The following PTPRT variants were observed in gnomAD, a reference collection of about 807,000 sequenced individuals.
PTPRT encodes the protein protein tyrosine phosphatase receptor type T.
PTPRT carries 56 observed loss-of-function variants against 176.8 expected under a neutral mutation model. The observed-to-expected ratio is 0.32, with a 90% CI of 0.26 to 0.40. The LOEUF (loss-of-function observed/expected upper bound fraction) is 0.40, where lower values mean the gene tolerates loss of function less well. Ranked by LOEUF, PTPRT falls within the 10% of genes least tolerant of loss-of-function variation. PTPRT has a pLI of 1.00. For missense variants in PTPRT, 1,540 were observed against 1,908.2 expected (o/e 0.81, Z 3.60); for synonymous variants, 783 against 739.0 (o/e 1.06, Z -0.96).
intron 7 of PTPRT, among the ~76,000 whole-genome samples, chr20:42,531,927 T>G (rs1468620220): frequency 6.6e-6 from 1 of 152,176 alleles, no homozygotes; most frequent in African/African-American, 2.4e-5. Flanking sequence ...AGCCGTGCTA[T>G]TGTCTGTCTG....
intron 13 of PTPRT, among the ~76,000 whole-genome samples, chr20:42,268,206 T>C (rs1401866915): frequency 6.6e-6 from 1 of 152,178 alleles, no homozygotes; most frequent in Non-Finnish European, 1.5e-5. Flanking sequence ...TTGAAAGGGA[T>C]GGCACTCACA....
chr20:42,947,833 T>C (rs1355233699), intron 1 of PTPRT, among the ~76,000 whole-genome samples: 1 of 152,084 alleles, frequency 6.6e-6, no homozygotes, highest in Non-Finnish European at 1.5e-5. Context: ...CGAGTGTCTC[T>C]ACCTTGTCAC....
chr20:42,477,193 C>G (rs1008889413), intron 7 of PTPRT, among the ~76,000 whole-genome samples: 10 of 152,116 alleles, frequency 6.6e-5, no homozygotes, highest in African/African-American at 2.4e-4. Context: ...TTTGTCCCCC[C>G]TCTCAGGCTG....
At chr20:42,771,294 G>T (rs2077058596) in intron 5 of PTPRT, 141 bp downstream of exon 5, 3 of 739,598 alleles carry the variant, frequency 4.1e-6, no homozygotes, top group Middle Eastern at 3.6e-4. Context: ...GTAAGCAAGG[G>T]TGGGCTCCGG....
intron 1 of PTPRT, among the ~76,000 whole-genome samples, chr20:43,138,579 G>A (rs907104406): frequency 6.6e-6 from 1 of 152,222 alleles, no homozygotes; most frequent in Non-Finnish European, 1.5e-5. Context: ...CCATAAGTGA[G>A]TCACTGCCAC....
At chr20:42,043,941 C>T in the PTPRT span, among the ~76,000 whole-genome samples, 1 of 152,176 alleles carries the variant, frequency 6.6e-6, no homozygotes, top group Non-Finnish European at 1.5e-5. Flanking sequence ...CTCAGCATTG[C>T]TCTCGAGAGC....
chr20:42,411,171 A>T (rs755497949), intron 9 of PTPRT, among the ~76,000 whole-genome samples: 1 of 152,190 alleles, frequency 6.6e-6, no homozygotes, highest in Non-Finnish European at 1.5e-5. Context: ...AACGCCAGGC[A>T]TGGAGGCTCA....
At chr20:42,138,975 TTTC>T (rs1988501771) in intron 18 of PTPRT, among the ~76,000 whole-genome samples, 1 of 152,214 alleles carries the variant, frequency 6.6e-6, no homozygotes, top group Non-Finnish European at 1.5e-5. Flanking sequence ...CACAGCCAGT[TTTC>T]TTCTTGCGCC....
chr20:42,569,047 C>CA lies in PTPRT; in HGVS notation c.1154-96486dup, dbSNP rs869193461. On this transcript the variant is annotated intron_variant, in intron 7 of 30. Coordinates refer to ENST00000373187, the MANE Select transcript of PTPRT (RefSeq NM_007050.6). ...TGGGCGACAGAGCAAGACTCCATCT[C>CA]AAAAAAAAAAAAAAAAAAAAAAAAA... Among the ~76,000 whole-genome samples, 15 of 20,448 alleles carry CA rather than the reference C, an allele frequency of 7.3e-4. 2 individuals are homozygous for CA. Among genetic ancestry groups the CA allele is most frequent in the South Asian group, 6.5e-3 (1 of 154 alleles). 13.4% of individuals were successfully genotyped at this position (20,448 alleles called of 152,430 possible).
chr20:42,204,907 T>A (rs554976238), intron 15 of PTPRT, among the ~76,000 whole-genome samples: 1 of 151,622 alleles, frequency 6.6e-6, no homozygotes, highest in Admixed American at 6.6e-5. Flanking sequence ...ATGCATCTGA[T>A]GGTTGGGTCT....
chr20:42,849,550 T>C (rs1397848), intron 2 of PTPRT, among the ~76,000 whole-genome samples: 12 of 152,246 alleles, frequency 7.9e-5, no homozygotes, highest in South Asian at 4.2e-4. Context: ...CCAAAACCCA[T>C]AGAGGTTCAT....
intron 9 of PTPRT, among the ~76,000 whole-genome samples, chr20:42,410,150 T>C (rs982612334): frequency 3.9e-5 from 6 of 152,018 alleles, no homozygotes; most frequent in Admixed American, 6.6e-5. Flanking sequence ...AAATAAATTA[T>C]TGAAAGCATT....
At chr20:42,655,799 A>C (rs1418524596) in intron 7 of PTPRT, among the ~76,000 whole-genome samples, 1 of 152,238 alleles carries the variant, frequency 6.6e-6, no homozygotes, top group Non-Finnish European at 1.5e-5. Context: ...AAATAGGAGT[A>C]GACCATTTTC....
At chr20:42,404,972 T>TTATATATATATATATATATATATATATA (rs200602736) in intron 9 of PTPRT, among the ~76,000 whole-genome samples, 1,629 of 75,018 alleles carry the variant, frequency 0.022, 26 homozygotes, top group Admixed American at 0.027. Flanking sequence ...GGCCAATTAA[T>TTATATATATATATATATATATATATATA]TATATATATA....
Position 42,331,702 on chromosome 20 carries a change from A to G in PTPRT, c.1866-15706T>C, listed in dbSNP as rs140650227. Among the ~76,000 whole-genome samples the G allele has an allele frequency of 7.1e-4, 108 of 152,272 alleles. 4 individuals carry two copies. The highest frequency in any genetic ancestry group is 2.5e-3 in the African/African-American group (102 of 41,532). On this transcript the variant is annotated intron_variant, in intron 11 of 30. Coordinates refer to ENST00000373187, the MANE Select transcript of PTPRT (RefSeq NM_007050.6). ...GAGAATTGGAGGTTCTCATCCATCCAACAACAGAATTGCCTGTGAATTCTG... is the reference window on the plus strand; with the variant it reads ...GAGAATTGGAGGTTCTCATCCATCCGACAACAGAATTGCCTGTGAATTCTG...
chr20:42,147,871 C>T (rs976869688), intron 17 of PTPRT, among the ~76,000 whole-genome samples: 7 of 152,050 alleles, frequency 4.6e-5, no homozygotes, highest in South Asian at 2.1e-4. Context: ...GTAATGACCC[C>T]GTAATTGGCA....
chr20:42,930,061 G>A (rs1249115610), intron 1 of PTPRT, among the ~76,000 whole-genome samples: 1 of 152,198 alleles, frequency 6.6e-6, no homozygotes, highest in Non-Finnish European at 1.5e-5. Flanking sequence ...CAAGAAAGCA[G>A]TCATCTGGGA....
chr20:42,300,257 C>CAAAAAAA (rs761176814), intron 12 of PTPRT, among the ~76,000 whole-genome samples: 2 of 49,602 alleles, frequency 4.0e-5, no homozygotes, highest in Non-Finnish European at 7.6e-5. Flanking sequence ...AACTCCGTCT[C>CAAAAAAA]AAAAAAAAAA....
At chr20:43,071,989 G>A (rs182655863) in intron 1 of PTPRT, among the ~76,000 whole-genome samples, 12 of 152,264 alleles carry the variant, frequency 7.9e-5, no homozygotes, top group Non-Finnish European at 1.6e-4. Flanking sequence ...GTCTATGTGG[G>A]CCATTCTAGA....
Sources: allele counts gnomAD v4.1 joint callset (sites outside exome capture counted in the v4.1 genomes callset), GRCh38; gene constraint gnomAD v4.1.1; transcripts MANE v1.5; gene names NCBI Gene and HGNC (gene_info 2026-07-23, HGNC 2026-07-21).